The following VDAC1 variants were observed in gnomAD, a reference collection of about 807,000 sequenced individuals.
The protein encoded by VDAC1 is voltage dependent anion channel 1.
In VDAC1, 10 loss-of-function variants were observed where a neutral mutation model predicts 34.7. That is an observed-to-expected ratio of 0.29 (90% CI 0.18 to 0.49). The LOEUF (loss-of-function observed/expected upper bound fraction) is 0.49. Among genes scored for constraint, VDAC1 ranks in the 20% least tolerant of loss-of-function variants. VDAC1 has a pLI of 0.99. For missense variants in VDAC1, 230 were observed against 347.9 expected (o/e 0.66, Z 2.69); for synonymous variants, 130 against 136.0 (o/e 0.96, Z 0.30).
the VDAC1 span, among the ~76,000 whole-genome samples, chr5:134,059,549 G>A: frequency 8.5e-5 from 13 of 152,132 alleles, no homozygotes; most frequent in African/African-American, 2.4e-4. Flanking sequence ...CTAGAAGCCC[G>A]TCGCGCTGTT....
intron 1 of VDAC1, among the ~76,000 whole-genome samples, chr5:133,999,558 C>A (rs960818788): frequency 1.3e-5 from 2 of 152,084 alleles, no homozygotes; most frequent in African/African-American, 2.4e-5. Flanking sequence ...TTGCAGAAGA[C>A]GGGAGTTTAG....
chr5:134,089,787 C>A, the VDAC1 span, among the ~76,000 whole-genome samples: 1 of 151,980 alleles, frequency 6.6e-6, no homozygotes, highest in Non-Finnish European at 1.5e-5. Flanking sequence ...GTCAGGAGTT[C>A]GAGACCAGCC....
chr5:133,997,496 C>T (rs983452916), intron 1 of VDAC1, among the ~76,000 whole-genome samples: 1 of 143,832 alleles, frequency 7.0e-6, no homozygotes, highest in Non-Finnish European at 1.5e-5. Context: ...CCAGGACTTC[C>T]AGATCAACCT....
chr5:134,056,444 T>C, the VDAC1 span, among the ~76,000 whole-genome samples: 1 of 149,950 alleles, frequency 6.7e-6, no homozygotes, highest in East Asian at 2.0e-4. Context: ...ATTTTTTTTT[T>C]TTTTTTTTTT....
chr5:134,112,954 C>T, the VDAC1 span, among the ~76,000 whole-genome samples: 1 of 152,178 alleles, frequency 6.6e-6, no homozygotes, highest in Non-Finnish European at 1.5e-5. Context: ...CCTACAAACA[C>T]ATGAGGACCC....
chr5:134,095,180 G>A, the VDAC1 span, among the ~76,000 whole-genome samples: 4 of 152,038 alleles, frequency 2.6e-5, no homozygotes, highest in South Asian at 6.2e-4. Context: ...GCAAATATAC[G>A]TCTCAAAAAT....
At chr5:134,031,119 G>A in the VDAC1 span, among the ~76,000 whole-genome samples, 1 of 152,100 alleles carries the variant, frequency 6.6e-6, no homozygotes, top group African/African-American at 2.4e-5. Context: ...CTGGTGTGGG[G>A]ATCATTAACC....
the VDAC1 span, among the ~76,000 whole-genome samples, chr5:134,039,537 G>T: frequency 6.6e-6 from 1 of 151,852 alleles, no homozygotes; most frequent in Non-Finnish European, 1.5e-5. Context: ...CACCGTGTTA[G>T]CCAGGATGGT....
chr5:134,047,403 G>T, the VDAC1 span, among the ~76,000 whole-genome samples: 1 of 152,102 alleles, frequency 6.6e-6, no homozygotes, highest in Non-Finnish European at 1.5e-5. Flanking sequence ...GGTGGGGATG[G>T]TTCCCGAAGG....
the VDAC1 span, among the ~76,000 whole-genome samples, chr5:134,079,239 G>A: frequency 0.64 from 96,540 of 151,958 alleles, 31,248 homozygotes; most frequent in African/African-American, 0.74. Context: ...TCAGCCTCCC[G>A]CAGTGCTGGG....
the VDAC1 span, among the ~76,000 whole-genome samples, chr5:134,110,625 G>T: frequency 6.6e-6 from 1 of 152,262 alleles, no homozygotes; most frequent in South Asian, 2.1e-4. Context: ...AAGTGCTCCT[G>T]CCGAGAGCCA....
chr5:134,041,139 C>CT, the VDAC1 span, among the ~76,000 whole-genome samples: 12 of 152,330 alleles, frequency 7.9e-5, no homozygotes, highest in East Asian at 2.3e-3. Flanking sequence ...GAAAACATTA[C>CT]CAGCTCCTTC....
the VDAC1 span, among the ~76,000 whole-genome samples, chr5:134,019,520 C>A: frequency 6.6e-6 from 1 of 152,118 alleles, no homozygotes; most frequent in Non-Finnish European, 1.5e-5. Flanking sequence ...ATTAAGGCTG[C>A]AGTGAGCCAT....
chr5:134,106,055 G>A, the VDAC1 span, among the ~76,000 whole-genome samples: 3 of 152,250 alleles, frequency 2.0e-5, no homozygotes, highest in Non-Finnish European at 2.9e-5. Flanking sequence ...CTGTAGAGAG[G>A]CTGCCAGCCC....
the VDAC1 span, among the ~76,000 whole-genome samples, chr5:134,079,662 C>T: frequency 2.0e-5 from 3 of 152,338 alleles, no homozygotes; most frequent in African/African-American, 4.8e-5. Flanking sequence ...GCCAGATCCT[C>T]CCTTTGTTTG....
chr5:133,980,718 T>G lies in VDAC1; in HGVS notation c.551+11A>C. 1 of 466,450 alleles carries G rather than the reference T, an allele frequency of 2.1e-6. No individual in the cohort carries two copies. The highest frequency in any genetic ancestry group is 3.9e-6 in the Non-Finnish European group (1 of 256,274). The allele number at this position is 466,450 out of a possible 1,614,324, so 28.9% of individuals were successfully genotyped here. A position where few individuals can be genotyped will look rare whatever the true frequency, so the allele number is the denominator to read the frequency against. On this transcript the variant is annotated intron_variant, in intron 6 of 8. Coordinates refer to ENST00000265333, the MANE Select transcript of VDAC1 (RefSeq NM_003374.3). ...CACCCCTCCCACCCTGCTGCCCCCA[T>G]GTACACTTACACATTAGTGTGAAGC...
chr5:134,015,228 GA>G, the VDAC1 span, among the ~76,000 whole-genome samples: 6 of 150,024 alleles, frequency 4.0e-5, no homozygotes, highest in East Asian at 1.0e-3. Flanking sequence ...GGGAGGGAGA[GA>G]GGGGGGCAAG....
chr5:133,975,464 C>CTT lies in VDAC1; in HGVS notation c.702+405_702+406dup, dbSNP rs879616685. 2.2e-3 allele frequency among the ~76,000 whole-genome samples: 311 copies of CTT among 139,792 alleles called. 2 individuals carry two copies. The highest frequency in any genetic ancestry group is 7.8e-3 in the African/African-American group (298 of 38,376). The allele number at this position is 139,792 out of a possible 152,430, so 91.7% of individuals were successfully genotyped here. ...TGTTTTTGTTTTTTTGAGACGGAGT[C>CTT]TTTTTTTTTTTTTTGAGATAGAATC... On this transcript the variant is annotated intron_variant, in intron 7 of 8. Transcript: ENST00000265333.
chr5:134,072,579 C>T, the VDAC1 span, among the ~76,000 whole-genome samples: 1 of 152,244 alleles, frequency 6.6e-6, no homozygotes, highest in South Asian at 2.1e-4. Context: ...GGTGACACAG[C>T]TCTGCTCTGG....
Sources: gnomAD v4.1 joint callset for allele counts (sites outside exome capture counted in the v4.1 genomes callset) on GRCh38, gnomAD v4.1.1 for gene constraint, MANE v1.5 for transcripts, NCBI Gene and HGNC (gene_info 2026-07-23, HGNC 2026-07-21) for gene names.